Variants in HTR2A observed in about 807,000 individuals in gnomAD.
The protein encoded by HTR2A is 5-hydroxytryptamine receptor 2A, also known as 5-HT2 receptor.
A neutral mutation model predicts 31.0 loss-of-function variants in HTR2A; 14 were observed. The observed-to-expected ratio is 0.45, with a 90% confidence interval of 0.30 to 0.71. The LOEUF is 0.71. HTR2A is among the 30% of genes least tolerant of loss of function. The pLI, the probability that HTR2A is intolerant of heterozygous loss-of-function variation, is 0.09. For synonymous variants in HTR2A, 209 were observed against 225.2 expected (o/e 0.93, Z 0.64); for missense variants, 442 against 573.3 (o/e 0.77, Z 2.34).
intron 3 of HTR2A, among the ~76,000 whole-genome samples, chr13:46,838,210 G>A (rs1313344721): frequency 3.3e-5 from 5 of 152,230 alleles, no homozygotes; most frequent in Non-Finnish European, 7.3e-5. Flanking sequence ...AGACAGCACA[G>A]TTGCTCATTG....
intron 3 of HTR2A, among the ~76,000 whole-genome samples, chr13:46,857,334 A>G (rs2138209413): frequency 6.6e-6 from 1 of 151,792 alleles, no homozygotes; most frequent in African/African-American, 2.4e-5. Flanking sequence ...CACAGATCTC[A>G]AGGCTGGAAT....
chr13:46,836,460 C>A (rs1324196549), intron 3 of HTR2A, among the ~76,000 whole-genome samples: 1 of 152,094 alleles, frequency 6.6e-6, no homozygotes, highest in Non-Finnish European at 1.5e-5. Context: ...TTAGATCTTC[C>A]TATTCCATTT....
chr13:46,873,500 G>T (rs926764838), intron 3 of HTR2A, among the ~76,000 whole-genome samples: 1 of 149,474 alleles, frequency 6.7e-6, no homozygotes, highest in Non-Finnish European at 1.5e-5. Flanking sequence ...ACAATGTGCC[G>T]GTTAGTTACA....
At chr13:46,855,376 G>C (rs1950727401) in intron 3 of HTR2A, among the ~76,000 whole-genome samples, 1 of 152,114 alleles carries the variant, frequency 6.6e-6, no homozygotes, top group Non-Finnish European at 1.5e-5. Flanking sequence ...CTTCAGAAGG[G>C]GCAGTTTCAC....
chr13:46,839,315 C>A (rs1191183671), intron 3 of HTR2A, among the ~76,000 whole-genome samples: 3 of 152,158 alleles, frequency 2.0e-5, no homozygotes, highest in African/African-American at 4.8e-5. Context: ...GAAAGAATAA[C>A]CAGAAAGTTA....
chr13:46,895,617 A>G lies in HTR2A; in HGVS notation c.290T>C (p.Met97Thr), dbSNP rs370985207. The change falls in exon 2 of 4, where the codon ATG (methionine) becomes ACG (threonine). Residue 97 changes from methionine to threonine, a missense_variant. Around this residue, in one of 5 missense-constraint regions of HTR2A, gnomAD observed 86 missense variants for 179.1 expected, o/e 0.48. Transcript: ENST00000542664. This position sits in a 1 kb window ranked among gnomAD's most constrained non-coding sequence, Gnocchi z 4.4. ...CAGCTTTTTCTCTAGGGACACTGCCATGATGACGAGTATGTTTCCAGCAAT... is the reference window on the plus strand; with the variant it reads ...CAGCTTTTTCTCTAGGGACACTGCCGTGATGACGAGTATGTTTCCAGCAAT... Reference protein sequence around the residue: ...LTIAGNILVIMAVSLEKKLQN... With the variant: ...LTIAGNILVITAVSLEKKLQN... 2.5e-6 allele frequency: 4 copies of G among 1,614,142 alleles called. No homozygotes were observed. In the African/African-American group the frequency reaches 4.0e-5, roughly 16 times the overall value.
intron 3 of HTR2A, among the ~76,000 whole-genome samples, chr13:46,886,673 G>C (rs1263055652): frequency 6.6e-6 from 1 of 152,188 alleles, no homozygotes; most frequent in African/African-American, 2.4e-5. Context: ...CAATTGGTGA[G>C]AGGGTACCAA....
At chr13:46,849,138 C>T (rs1950664013) in intron 3 of HTR2A, among the ~76,000 whole-genome samples, 1 of 152,208 alleles carries the variant, frequency 6.6e-6, no homozygotes, top group Admixed American at 6.5e-5. Context: ...GTAAATGGTC[C>T]TACCATCTAT....
chr13:46,842,525 C>A (rs1197952228), intron 3 of HTR2A, among the ~76,000 whole-genome samples: 1 of 152,278 alleles, frequency 6.6e-6, no homozygotes, highest in South Asian at 2.1e-4. Flanking sequence ...ACAGTCAGTT[C>A]TCTTTCCTCC....
At chr13:46,855,711 AG>A (rs2138206553) in intron 3 of HTR2A, among the ~76,000 whole-genome samples, 1 of 152,354 alleles carries the variant, frequency 6.6e-6, no homozygotes, top group African/African-American at 2.4e-5. Flanking sequence ...GAGAAAAGTA[AG>A]TACTGCTCCC....
intron 3 of HTR2A, among the ~76,000 whole-genome samples, chr13:46,861,970 G>T (rs1029921878): frequency 6.6e-6 from 1 of 152,154 alleles, no homozygotes; most frequent in African/African-American, 2.4e-5. Flanking sequence ...TAACCTCCTT[G>T]TTTGTCTATA....
intron 3 of HTR2A, among the ~76,000 whole-genome samples, chr13:46,892,116 T>C (rs1951058069): frequency 6.6e-6 from 1 of 152,216 alleles, no homozygotes; most frequent in Non-Finnish European, 1.5e-5. Context: ...AAGTAAGAAA[T>C]AGGGAAAACA....
intron 3 of HTR2A, chr13:46,853,930 TTC>T (rs1398903115): frequency 2.0e-5 from 3 of 152,248 alleles, no homozygotes; most frequent in Non-Finnish European, 4.4e-5. Context: ...AATCTTTTCC[TTC>T]TGTTAGGTTT....
At position 46,896,906 on chromosome 13, in the gene HTR2A, C is replaced by G; in HGVS notation, c.-561G>C. ...TCTGGCACGGCTCGGCTGGGTTCCT[C>G]CCTCCCTGTGCGGCTCGCCTCAGCA... On this transcript the variant is annotated 5_prime_UTR_variant, in exon 1 of 4. Transcript: ENST00000542664. The G allele has an allele frequency of 7.6e-7, 1 of 1,321,510 alleles. No individual in the cohort carries two copies. The highest frequency in any genetic ancestry group is 1.0e-6 in the Non-Finnish European group (1 of 962,440). 81.9% of individuals were successfully genotyped at this position (1,321,510 alleles called of 1,614,324 possible). A position where few individuals can be genotyped will look rare whatever the true frequency, so the allele number is the denominator to read the frequency against.
chr13:46,895,992 ACT>A lies in HTR2A; in HGVS notation c.-88_-87del. 6.6e-7 allele frequency: 1 copy of A among 1,504,574 alleles called. No individual in the cohort carries two copies. The highest frequency in any genetic ancestry group is 1.4e-5 in the South Asian group (1 of 72,884). The allele number at this position is 1,504,574 out of a possible 1,614,324, so 93.2% of individuals were successfully genotyped here. On this transcript the variant is annotated 5_prime_UTR_variant, in exon 2 of 4. An upstream open reading frame in the 5' UTR gains an earlier in-frame stop. Coordinates refer to ENST00000542664, the MANE Select transcript of HTR2A (RefSeq NM_000621.5). The surrounding 1 kb of genome is among the most constrained non-coding windows in gnomAD (Gnocchi z 4.4). The stretch of plus-strand genomic sequence containing the variant: ...TCACCATTCACCTTGATGTACCCAC[ACT>A]CTGTAACACTGAGGCTGGTGTACAT...
intron 3 of HTR2A, among the ~76,000 whole-genome samples, chr13:46,878,877 A>G (rs1262155106): frequency 1.3e-5 from 2 of 152,238 alleles, no homozygotes; most frequent in South Asian, 2.1e-4. Flanking sequence ...ATACAAAAGA[A>G]TTAGAAGAAA....
chr13:46,882,051 A>C (rs912521692), intron 3 of HTR2A, among the ~76,000 whole-genome samples: 2 of 152,166 alleles, frequency 1.3e-5, no homozygotes, highest in African/African-American at 2.4e-5. Flanking sequence ...ATAGAATTTG[A>C]GGTTGCTCAT....
chr13:46,837,842 A>G (rs1950572026), intron 3 of HTR2A, among the ~76,000 whole-genome samples: 1 of 152,230 alleles, frequency 6.6e-6, no homozygotes, highest in Admixed American at 6.5e-5. Context: ...ATCTTCAAAG[A>G]CTTAATTAAC....
In HTR2A at chr13:46,834,012, C is replaced by T. The variant is rs894819801; in HGVS notation, c.*825G>A. On this transcript the variant is annotated 3_prime_UTR_variant, in exon 4 of 4. Transcript: ENST00000542664. ...TTTCACAGCAAGTTACCAAATACCT[C>T]GATAGTGCTGTTTTAGAGAAGCAAT... is the stretch of plus-strand genomic sequence containing the variant. The T allele has an allele frequency of 2.6e-5, 4 of 152,232 alleles. No homozygotes were observed. Among genetic ancestry groups the T allele is most frequent in the Admixed American group, 6.5e-5 (1 of 15,280 alleles). The allele number at this position is 152,232 out of a possible 1,614,324, so 9.4% of individuals were successfully genotyped here.
Sources: allele counts gnomAD v4.1 joint callset (sites outside exome capture counted in the v4.1 genomes callset), GRCh38; gene constraint gnomAD v4.1.1; regional missense constraint gnomAD v4.1.1; non-coding constraint Gnocchi (gnomAD v3.1); transcripts MANE v1.5; gene names NCBI Gene and HGNC (gene_info 2026-07-23, HGNC 2026-07-21).